The following SNAP25 variants were observed in gnomAD, a reference collection of about 807,000 sequenced individuals.
SNAP25 encodes the protein synaptosome associated protein 25, also known as synaptosomal-associated protein 25.
Under a neutral mutation model 28.7 loss-of-function variants are expected in SNAP25, and 3 were observed. The observed-to-expected ratio is 0.10, with a 90% CI of 0.05 to 0.27. The LOEUF is 0.27. SNAP25 is among the 10% of genes least tolerant of loss of function. SNAP25 has a pLI of 1.00. For synonymous variants in SNAP25, 61 were observed against 88.1 expected (o/e 0.69, Z 1.72); for missense variants, 117 against 278.7 (o/e 0.42, Z 4.13).
intron 4 of SNAP25, among the ~76,000 whole-genome samples, chr20:10,292,330 G>C (rs1020643627): frequency 1.3e-5 from 2 of 152,152 alleles, no homozygotes; most frequent in African/African-American, 2.4e-5. Flanking sequence ...ATCAAGTGCA[G>C]ACCATGGCTA....
intron 1 of SNAP25, among the ~76,000 whole-genome samples, chr20:10,256,104 T>G (rs2063315071): frequency 6.6e-6 from 1 of 152,218 alleles, no homozygotes; most frequent in African/African-American, 2.4e-5. Flanking sequence ...TTTGGGTTGT[T>G]TTTCAACACC....
chr20:10,292,670 T>C (rs551551896), intron 4 of SNAP25, among the ~76,000 whole-genome samples: 18 of 152,334 alleles, frequency 1.2e-4, no homozygotes, highest in African/African-American at 4.1e-4. Flanking sequence ...TCCCATCATG[T>C]TGAATTACAA....
intron 1 of SNAP25, among the ~76,000 whole-genome samples, chr20:10,227,848 G>T (rs893370486): frequency 1.3e-5 from 2 of 152,148 alleles, no homozygotes; most frequent in African/African-American, 4.8e-5. Context: ...ACATTCACCA[G>T]TGGGGTAGAT....
chr20:10,229,354 C>T (rs148735753), intron 1 of SNAP25, among the ~76,000 whole-genome samples: 1 of 151,884 alleles, frequency 6.6e-6, no homozygotes, highest in South Asian at 2.1e-4. Flanking sequence ...AGATGCAAAC[C>T]CAGACTCTTT....
chr20:10,270,648 G>T (rs984352362), intron 1 of SNAP25, among the ~76,000 whole-genome samples: 1 of 151,916 alleles, frequency 6.6e-6, no homozygotes, highest in African/African-American at 2.4e-5. Context: ...GCAGTGAGCT[G>T]AGATGGCACC....
At chr20:10,237,124 G>A (rs192848826) in intron 1 of SNAP25, among the ~76,000 whole-genome samples, 93 of 152,194 alleles carry the variant, frequency 6.1e-4, no homozygotes, top group African/African-American at 1.9e-3. Context: ...ATGGGGGAGT[G>A]GAGAATCTAG....
chr20:10,276,060 A>T (rs1285048789), intron 2 of SNAP25, among the ~76,000 whole-genome samples: 1 of 152,222 alleles, frequency 6.6e-6, no homozygotes, highest in East Asian at 1.9e-4. Flanking sequence ...TGATCTTGAG[A>T]TTCATCCATT....
intron 1 of SNAP25, among the ~76,000 whole-genome samples, chr20:10,246,061 T>TA (rs916803143): frequency 1.3e-5 from 2 of 152,258 alleles, no homozygotes; most frequent in African/African-American, 4.8e-5. Context: ...GAATTCATTT[T>TA]ATGCCTGAAT....
At chr20:10,237,997 G>A (rs1185989848) in intron 1 of SNAP25, among the ~76,000 whole-genome samples, 1 of 152,106 alleles carries the variant, frequency 6.6e-6, no homozygotes, top group Non-Finnish European at 1.5e-5. Flanking sequence ...ATTAACTGAT[G>A]TCCCTTCAGT....
At chr20:10,250,407 T>G (rs748378580) in intron 1 of SNAP25, among the ~76,000 whole-genome samples, 11 of 152,070 alleles carry the variant, frequency 7.2e-5, no homozygotes, top group Non-Finnish European at 1.3e-4. Flanking sequence ...TGATACACAT[T>G]GTGGGGGACT....
chr20:10,275,711 G>T (rs923047169), intron 2 of SNAP25, 148 bp downstream of exon 2: 2 of 564,636 alleles, frequency 3.5e-6, no homozygotes, highest in East Asian at 3.3e-5. Context: ...TACACCTAAG[G>T]CTTCTGTGGA....
chr20:10,257,760 G>A (rs1289130016), intron 1 of SNAP25, among the ~76,000 whole-genome samples: 1 of 150,136 alleles, frequency 6.7e-6, no homozygotes, highest in Non-Finnish European at 1.5e-5. Context: ...GCATGCACCT[G>A]TAGTCCCAGC....
intron 3 of SNAP25, among the ~76,000 whole-genome samples, chr20:10,282,908 T>C (rs1387786813): frequency 6.6e-6 from 1 of 152,168 alleles, no homozygotes. Context: ...TTAAAGAAAA[T>C]ATTTTGAAAT....
At chr20:10,245,688 T>A (rs1568585109) in intron 1 of SNAP25, among the ~76,000 whole-genome samples, 3 of 133,890 alleles carry the variant, frequency 2.2e-5, no homozygotes, top group African/African-American at 9.2e-5. Flanking sequence ...TATCTTCATC[T>A]TATACACACA....
intron 2 of SNAP25, 85 bp from the exon 3 acceptor site, chr20:10,277,600 C>A: frequency 8.5e-7 from 1 of 1,174,364 alleles, no homozygotes. Context: ...TTGTGTTTCT[C>A]AAGTAAATAA....
At chr20:10,300,735 G>A (rs966388191) in intron 7 of SNAP25, among the ~76,000 whole-genome samples, 1 of 152,118 alleles carries the variant, frequency 6.6e-6, no homozygotes, top group African/African-American at 2.4e-5. Flanking sequence ...TGAAAACTAC[G>A]CAAACTTTAG....
At chr20:10,274,811 C>T (rs1428873446) in intron 1 of SNAP25, among the ~76,000 whole-genome samples, 2 of 152,012 alleles carry the variant, frequency 1.3e-5, no homozygotes, top group Admixed American at 1.3e-4. Flanking sequence ...CCACTGCACT[C>T]CAGCCTGGGC....
At chr20:10,281,854 C>A (rs1050587957) in intron 3 of SNAP25, among the ~76,000 whole-genome samples, 2 of 152,122 alleles carry the variant, frequency 1.3e-5, no homozygotes, top group Admixed American at 1.3e-4. Flanking sequence ...GAGGCTGGAC[C>A]CTCTGAGGCT....
intron 1 of SNAP25, among the ~76,000 whole-genome samples, chr20:10,223,248 G>A (rs543572554): frequency 2.6e-4 from 40 of 152,244 alleles, no homozygotes; most frequent in African/African-American, 9.4e-4. Flanking sequence ...GCTACCTCGA[G>A]GTCTGGATTA....
Sources: allele counts gnomAD v4.1 joint callset (sites outside exome capture counted in the v4.1 genomes callset), GRCh38; gene constraint gnomAD v4.1.1; transcripts MANE v1.5; gene names NCBI Gene and HGNC (gene_info 2026-07-23, HGNC 2026-07-21).